The following SLC35D4 variants were observed in gnomAD, a reference collection of about 807,000 sequenced individuals.
SLC35D4 encodes UDP-N-acetylglucosamine transporter SLC35D4.
chr18:23,318,219 G>A, the SLC35D4 span, among the ~76,000 whole-genome samples: 1 of 152,132 alleles, frequency 6.6e-6, no homozygotes, highest in Non-Finnish European at 1.5e-5. Context: ...CCTGGGCTTA[G>A]TGGCCAGTTG....
At chr18:23,268,354 G>A in the SLC35D4 span, among the ~76,000 whole-genome samples, 1 of 152,118 alleles carries the variant, frequency 6.6e-6, no homozygotes, top group Admixed American at 6.6e-5. Flanking sequence ...CAAATATTTG[G>A]TTGGAAAACT....
chr18:23,267,684 G>C, the SLC35D4 span, among the ~76,000 whole-genome samples: 2 of 152,204 alleles, frequency 1.3e-5, no homozygotes, highest in Admixed American at 6.5e-5. Flanking sequence ...CTGCACCTCT[G>C]CTTCACATCT....
the SLC35D4 span, among the ~76,000 whole-genome samples, chr18:23,264,604 G>A: frequency 4.6e-5 from 7 of 152,094 alleles, no homozygotes; most frequent in East Asian, 3.9e-4. Flanking sequence ...CTCGTGATCC[G>A]TCTGCCTCGG....
At chr18:23,375,158 T>C in the SLC35D4 span, among the ~76,000 whole-genome samples, 1 of 150,848 alleles carries the variant, frequency 6.6e-6, no homozygotes, top group Non-Finnish European at 1.5e-5. Context: ...ATAATAATAA[T>C]AATAATATTG....
chr18:23,251,872 T>C, the SLC35D4 span, among the ~76,000 whole-genome samples: 1 of 152,022 alleles, frequency 6.6e-6, no homozygotes, highest in East Asian at 1.9e-4. Flanking sequence ...GATCACCTGA[T>C]GTCAGGAGTT....
At chr18:23,404,349 A>G in the SLC35D4 span, among the ~76,000 whole-genome samples, 1 of 152,192 alleles carries the variant, frequency 6.6e-6, no homozygotes, top group Admixed American at 6.5e-5. Flanking sequence ...CCATAAGGGC[A>G]GAGCCTTCAT....
At chr18:23,353,471 G>A in the SLC35D4 span, among the ~76,000 whole-genome samples, 2 of 152,162 alleles carry the variant, frequency 1.3e-5, no homozygotes, top group Non-Finnish European at 2.9e-5. Context: ...GGTTGAATTG[G>A]AAGCAGACTG....
the SLC35D4 span, among the ~76,000 whole-genome samples, chr18:23,281,978 G>T: frequency 6.6e-6 from 1 of 152,260 alleles, no homozygotes; most frequent in African/African-American, 2.4e-5. Context: ...TAGTGAGAAT[G>T]CCTGGGACAG....
At chr18:23,260,159 G>C in the SLC35D4 span, 1 of 152,328 alleles carries the variant, frequency 6.6e-6, no homozygotes, top group South Asian at 2.1e-4. Context: ...GCCCTTGCCA[G>C]CCCAATGACA....
chr18:23,396,996 A>C, the SLC35D4 span, among the ~76,000 whole-genome samples: 3 of 152,230 alleles, frequency 2.0e-5, no homozygotes, highest in African/African-American at 4.8e-5. Context: ...TGAAGGCTGC[A>C]GAACTCCCCA....
At chr18:23,366,673 T>G in the SLC35D4 span, among the ~76,000 whole-genome samples, 849 of 152,302 alleles carry the variant, frequency 5.6e-3, 10 homozygotes, top group African/African-American at 0.019. Flanking sequence ...AAGACGGCTG[T>G]GAGCAAAAAA....
the SLC35D4 span, among the ~76,000 whole-genome samples, chr18:23,266,703 G>C: frequency 2.6e-5 from 4 of 152,240 alleles, no homozygotes; most frequent in Non-Finnish European, 5.9e-5. Flanking sequence ...GCTTACTTGA[G>C]CAGCTCAATG....
At chr18:23,262,875 G>T in the SLC35D4 span, among the ~76,000 whole-genome samples, 63 of 152,356 alleles carry the variant, frequency 4.1e-4, 3 homozygotes, top group South Asian at 0.013. Context: ...GGGTGGGAAT[G>T]AAATCAGGGA....
the SLC35D4 span, among the ~76,000 whole-genome samples, chr18:23,412,729 C>T: frequency 6.6e-6 from 1 of 152,184 alleles, no homozygotes; most frequent in African/African-American, 2.4e-5. Flanking sequence ...AGACCAAACC[C>T]CACCTGCTGC....
chr18:23,273,937 A>T, the SLC35D4 span, among the ~76,000 whole-genome samples: 1 of 151,774 alleles, frequency 6.6e-6, no homozygotes, highest in African/African-American at 2.4e-5. Flanking sequence ...TTCCATTTTT[A>T]TTTTATTTTT....
chr18:23,387,856 T>C, the SLC35D4 span, among the ~76,000 whole-genome samples: 2 of 152,220 alleles, frequency 1.3e-5, no homozygotes. Flanking sequence ...TTTATTCCTC[T>C]TAAATTTTTA....
chr18:23,418,881 G>C, the SLC35D4 span, among the ~76,000 whole-genome samples: 1 of 151,842 alleles, frequency 6.6e-6, no homozygotes, highest in Admixed American at 6.6e-5. Flanking sequence ...GGTGGCACGC[G>C]CCTGTAGTCC....
the SLC35D4 span, among the ~76,000 whole-genome samples, chr18:23,333,827 AG>A: frequency 6.6e-6 from 1 of 152,220 alleles, no homozygotes; most frequent in Non-Finnish European, 1.5e-5. Context: ...CTGGAGGTGG[AG>A]GGGTAGTCAT....
chr18:23,263,706 T>A, the SLC35D4 span, among the ~76,000 whole-genome samples: 1 of 152,252 alleles, frequency 6.6e-6, no homozygotes, highest in Non-Finnish European at 1.5e-5. Context: ...GACTAGGAAA[T>A]GCAAATTTGT....
Sources: allele counts gnomAD v4.1 joint callset (sites outside exome capture counted in the v4.1 genomes callset), GRCh38; gene constraint gnomAD v4.1.1; transcripts MANE v1.5; gene names NCBI Gene and HGNC (gene_info 2026-07-23, HGNC 2026-07-21).